GMEB1: variants seen among roughly 807,000 people sequenced by gnomAD.
GMEB1 encodes the protein glucocorticoid modulatory element binding protein 1.
Under a neutral mutation model 52.4 loss-of-function variants are expected in GMEB1, and 6 were observed. The observed-to-expected ratio is 0.11, with a 90% CI of 0.06 to 0.23. The LOEUF (loss-of-function observed/expected upper bound fraction) is 0.23, where lower values mean the gene tolerates loss of function less well. GMEB1 is among the 10% of genes least tolerant of loss of function. The pLI is 1.00. For missense variants in GMEB1, 486 were observed against 685.6 expected (o/e 0.71, Z 3.25); for synonymous variants, 255 against 244.9 (o/e 1.04, Z -0.38).
chr1:28,695,040 C>G (rs920112072), intron 5 of GMEB1, among the ~76,000 whole-genome samples: 1 of 149,200 alleles, frequency 6.7e-6, no homozygotes, highest in East Asian at 2.0e-4. Flanking sequence ...TCTTGGCTCA[C>G]TGCAATCTCC....
chr1:28,714,782 C>T lies in GMEB1; in HGVS notation c.*9C>T, dbSNP rs1479016791. 6 of 1,554,138 alleles carry T rather than the reference C, an allele frequency of 3.9e-6. No homozygotes were observed. Among genetic ancestry groups the T allele is most frequent in the Non-Finnish European group, 5.3e-6 (6 of 1,128,020 alleles). Reference sequence around the variant, plus strand: ...TGGTCTTAGAGGATTAACTGGGGATCTCAGGGCCAGGAGTTATGTTTTGAT... The same window carrying T: ...TGGTCTTAGAGGATTAACTGGGGATTTCAGGGCCAGGAGTTATGTTTTGAT... On this transcript the variant is annotated 3_prime_UTR_variant, in exon 10 of 10. Coordinates refer to ENST00000373816, the MANE Select transcript of GMEB1 (RefSeq NM_001319674.2).
At chr1:28,669,525 C>G (rs1172964059) in intron 1 of GMEB1, among the ~76,000 whole-genome samples, 1 of 151,868 alleles carries the variant, frequency 6.6e-6, no homozygotes, top group Non-Finnish European at 1.5e-5. Flanking sequence ...CCACTCAGAA[C>G]AAGGGAAAAA....
chr1:28,679,845 G>A (rs967358407), intron 1 of GMEB1, among the ~76,000 whole-genome samples: 2 of 148,434 alleles, frequency 1.3e-5, no homozygotes, highest in African/African-American at 2.5e-5. Context: ...CTTGTTGTCC[G>A]GGCTGGAGTC....
In GMEB1 at chr1:28,715,557, C is replaced by G. The variant is rs1188996884; in HGVS notation, c.*784C>G. ...GGCAGAGGTTGCAGTGAGCCAAGAT[C>G]GCACCACTGCACTCCAGCCTGGGCA... On this transcript the variant is annotated 3_prime_UTR_variant, in exon 10 of 10. Coordinates refer to ENST00000373816, the MANE Select transcript of GMEB1 (RefSeq NM_001319674.2). 1 of 148,002 alleles carries G rather than the reference C, an allele frequency of 6.8e-6. No homozygotes were observed. Among genetic ancestry groups the G allele is most frequent in the African/African-American group, 2.5e-5 (1 of 39,660 alleles). 9.2% of individuals were successfully genotyped at this position (148,002 alleles called of 1,614,324 possible).
At position 28,695,863 on chromosome 1, in the gene GMEB1, C is replaced by T. The variant is rs1445736101; in HGVS notation, c.441-1064C>T. On this transcript the variant is annotated intron_variant, in intron 5 of 9. Coordinates refer to ENST00000373816, the MANE Select transcript of GMEB1 (RefSeq NM_001319674.2). ...CTGAGGCAGGAGAATGGCGTGAACC[C>T]GGGAGGCGGAGCTTGCAGTGAGCCG... Among the ~76,000 whole-genome samples, 950 of 124,386 alleles carry T rather than the reference C, an allele frequency of 7.6e-3. 12 individuals carry two copies. The highest frequency in any genetic ancestry group is 0.025 in the African/African-American group (828 of 32,816). The allele number at this position is 124,386 out of a possible 152,430, so 81.6% of individuals were successfully genotyped here.
intron 5 of GMEB1, among the ~76,000 whole-genome samples, chr1:28,696,671 A>G (rs1175126266): frequency 1.3e-5 from 2 of 152,104 alleles, no homozygotes; most frequent in Non-Finnish European, 2.9e-5. Flanking sequence ...TGTCTGTGAA[A>G]GTGGCACCAG....
rs1016505897 is a variant in GMEB1, at chr1:28,717,498, A to C, written c.*2725A>C. On this transcript the variant is annotated 3_prime_UTR_variant, in exon 10 of 10. Coordinates refer to ENST00000373816, the MANE Select transcript of GMEB1 (RefSeq NM_001319674.2). The stretch of plus-strand genomic sequence containing the variant: ...AGCCACCGCACCCAGCCTGAAGGTG[A>C]CTCTTAAGAATGAGATTTATGAACT... 6.6e-6 allele frequency: 1 copy of C among 152,014 alleles called. No homozygotes were observed. Among genetic ancestry groups the C allele is most frequent in the Admixed American group, 6.6e-5 (1 of 15,226 alleles). The allele number at this position is 152,014 out of a possible 1,614,324, so 9.4% of individuals were successfully genotyped here. A position where few individuals can be genotyped will look rare whatever the true frequency, so the allele number is the denominator to read the frequency against.
At position 28,710,591 on chromosome 1, in the gene GMEB1, A is replaced by G; in HGVS notation, c.940A>G (p.Arg314Gly). The G allele has an allele frequency of 6.2e-7, 1 of 1,610,686 alleles. No homozygotes were observed. Among genetic ancestry groups the G allele is most frequent in the Non-Finnish European group, 8.5e-7 (1 of 1,177,896 alleles). Residue 314 changes from arginine (R) to glycine (G), a missense_variant, in exon 9 of 10, where the codon AGA becomes GGA. Physicochemically the swap from Arg to Gly is moderately radical, Grantham distance 125. This residue lies in a region of GMEB1 where 200 missense variants were observed against 253.5 expected (regional missense o/e 0.79). Coordinates refer to ENST00000373816, the MANE Select transcript of GMEB1 (RefSeq NM_001319674.2). ...MDTVKKVLDN[R>G]RNQVEQGEEQ... ...CACAGTCAAGAAGGTTTTAGACAAC[A>G]GAAGGAACCAAGTAGAGCAGGGAGA... is the stretch of plus-strand genomic sequence containing the variant.
chr1:28,677,434 C>T (rs555942010), intron 1 of GMEB1, among the ~76,000 whole-genome samples: 5 of 152,146 alleles, frequency 3.3e-5, no homozygotes, highest in African/African-American at 7.2e-5. Context: ...CCTGACTTTG[C>T]GATCCGCCTG....
At position 28,713,031 on chromosome 1, in the gene GMEB1, G is replaced by A. The variant is rs575988658; in HGVS notation, c.992-1042G>A. 7.3e-5 allele frequency among the ~76,000 whole-genome samples: 11 copies of A among 151,250 alleles called. 1 individual carries two copies. In the South Asian group the frequency reaches 1.9e-3, roughly 26 times the overall value. ...ACATTAGCCAGGCGCGGTGGCGGGC[G>A]CCTGTAGTCCCAGCTACTCAGGAGG... is the stretch of plus-strand genomic sequence containing the variant. On this transcript the variant is annotated intron_variant, in intron 9 of 9. Transcript: ENST00000373816.
intron 5 of GMEB1, among the ~76,000 whole-genome samples, chr1:28,696,661 T>C (rs984644452): frequency 7.2e-5 from 11 of 152,152 alleles, no homozygotes; most frequent in Non-Finnish European, 1.5e-4. Flanking sequence ...TGAAACTTTA[T>C]GTCTGTGAAA....
chr1:28,702,184 T>C (rs1232892707), intron 6 of GMEB1, among the ~76,000 whole-genome samples: 2 of 152,198 alleles, frequency 1.3e-5, no homozygotes, highest in African/African-American at 4.8e-5. Context: ...ATTGCTCTTT[T>C]GTGATTTTGT....
chr1:28,708,701 C>T (rs558075495), intron 8 of GMEB1, among the ~76,000 whole-genome samples: 266 of 152,076 alleles, frequency 1.7e-3, no homozygotes, highest in Middle Eastern at 3.4e-3. Context: ...CCACCCACCT[C>T]GGCCTCCCAA....
intron 1 of GMEB1, among the ~76,000 whole-genome samples, chr1:28,679,454 A>G (rs1479984177): frequency 2.6e-5 from 4 of 152,130 alleles, no homozygotes; most frequent in African/African-American, 9.7e-5. Context: ...TTGGGATTAC[A>G]GGTGTGAGCC....
chr1:28,705,261 G>A (rs570332538), intron 8 of GMEB1, among the ~76,000 whole-genome samples: 329 of 151,226 alleles, frequency 2.2e-3, no homozygotes, highest in Middle Eastern at 0.021. Context: ...GCTGGGTATG[G>A]TGCACATCTG....
At chr1:28,682,813 T>C (rs752234236) in intron 1 of GMEB1, among the ~76,000 whole-genome samples, 16 of 152,176 alleles carry the variant, frequency 1.1e-4, no homozygotes, top group Non-Finnish European at 2.1e-4. Context: ...ATGTGATTCC[T>C]AATTTCCAAG....
intron 9 of GMEB1, among the ~76,000 whole-genome samples, chr1:28,713,410 A>G (rs1671152016): frequency 6.6e-6 from 1 of 152,190 alleles, no homozygotes; most frequent in Non-Finnish European, 1.5e-5. Context: ...TGGGAGAGGG[A>G]TAGTGATAGG....
In GMEB1 at chr1:28,716,870, T is replaced by A. The variant is rs1394179378; in HGVS notation, c.*2097T>A. 1 of 152,106 alleles carries A rather than the reference T, an allele frequency of 6.6e-6. No individual in the cohort carries two copies. Among genetic ancestry groups the A allele is most frequent in the Non-Finnish European group, 1.5e-5 (1 of 68,020 alleles). The allele number at this position is 152,106 out of a possible 1,614,324, so 9.4% of individuals were successfully genotyped here. A position where few individuals can be genotyped will look rare whatever the true frequency, so the allele number is the denominator to read the frequency against. On this transcript the variant is annotated 3_prime_UTR_variant, in exon 10 of 10. Coordinates refer to ENST00000373816, the MANE Select transcript of GMEB1 (RefSeq NM_001319674.2). ...TGTTTGGGGCAAGAGTGGACCCTGG[T>A]TTTTATTTCTTTGATTGCATTGTTT...
chr1:28,675,380 A>G (rs993453695), intron 1 of GMEB1, among the ~76,000 whole-genome samples: 4 of 151,926 alleles, frequency 2.6e-5, no homozygotes, highest in African/African-American at 9.7e-5. Context: ...ATGTGTTCAC[A>G]TAGAATTCCA....
Sources: gnomAD v4.1 joint callset for allele counts (sites outside exome capture counted in the v4.1 genomes callset) on GRCh38, gnomAD v4.1.1 for gene constraint, gnomAD v4.1.1 regional missense constraint, MANE v1.5 for transcripts, NCBI Gene and HGNC (gene_info 2026-07-23, HGNC 2026-07-21) for gene names.